The following WNT16 variants were observed in gnomAD, a reference collection of about 807,000 sequenced individuals.
The protein encoded by WNT16 is Wnt family member 16.
WNT16 carries 20 observed loss-of-function variants against 35.4 expected under a neutral mutation model. The observed-to-expected ratio is 0.56, with a 90% CI of 0.40 to 0.82. The LOEUF is 0.82. Ranked by LOEUF, WNT16 falls within the 40% of genes least tolerant of loss-of-function variation. The probability of loss-of-function intolerance (pLI) is 0.00; values close to 1 mark genes in which losing one functional copy is unlikely to be tolerated. For synonymous variants in WNT16, 180 were observed against 179.2 expected (o/e 1.00, Z -0.03); for missense variants, 461 against 466.0 (o/e 0.99, Z 0.10).
At position 121,331,687 on chromosome 7, in the gene WNT16, A is replaced by C. The variant is rs777829706; in HGVS notation, c.356A>C (p.Glu119Ala). 1 of 1,604,920 alleles carries C rather than the reference A, an allele frequency of 6.2e-7. No homozygotes were observed. Among genetic ancestry groups the C allele is most frequent in the East Asian group, 2.2e-5 (1 of 44,600 alleles). The part of the protein sequence containing the change: ...FGYELSSGTK[E>A]TAFIYAVMAA... ...TTTATATTTTTTCTAGGCACCAAAG[A>C]GACAGCATTTATTTATGCTGTGATG... The change falls in exon 3 of 4, where the codon GAG (glutamate) becomes GCG (alanine). Residue 119 changes from glutamate (E) to alanine (A), a missense_variant. Coordinates refer to ENST00000222462, the MANE Select transcript of WNT16 (RefSeq NM_057168.2).
chr7:121,328,235 G>A (rs1368527384), upstream of WNT16, among the ~76,000 whole-genome samples: 2 of 152,126 alleles, frequency 1.3e-5, no homozygotes, highest in Non-Finnish European at 2.9e-5. Flanking sequence ...CATGAGAATC[G>A]TAAGGTAGGA....
At position 121,340,973 on chromosome 7, in the gene WNT16, G is replaced by C. The variant is rs1793523862; in HGVS notation, c.*1628G>C. ...TAATAAGATAAAGAAATGTTTCCCTGCCCCACAGTCTTCATTCTATTTCTC... is the reference window on the plus strand; with the variant it reads ...TAATAAGATAAAGAAATGTTTCCCTCCCCCACAGTCTTCATTCTATTTCTC... On this transcript the variant is annotated 3_prime_UTR_variant, in exon 4 of 4. Coordinates refer to ENST00000222462, the MANE Select transcript of WNT16 (RefSeq NM_057168.2). The C allele has an allele frequency of 6.6e-6, 1 of 152,042 alleles. No homozygotes were observed. The highest frequency in any genetic ancestry group is 2.4e-5 in the African/African-American group (1 of 41,400). 9.4% of individuals were successfully genotyped at this position (152,042 alleles called of 1,614,324 possible).
chr7:121,330,715 A>G (rs74546569), intron 2 of WNT16, among the ~76,000 whole-genome samples: 2 of 22,248 alleles, frequency 9.0e-5, no homozygotes, highest in Admixed American at 4.8e-4. Context: ...CCGTAGAGAG[A>G]AAAAAAAAAA....
chr7:121,325,575 T>C, upstream of WNT16: 1 of 1,287,598 alleles, frequency 7.8e-7, no homozygotes. Flanking sequence ...TAGACACCAG[T>C]AAAAAATTTT....
intron 2 of WNT16, among the ~76,000 whole-genome samples, chr7:121,330,714 G>GAAA (rs11371537): frequency 7.4e-3 from 626 of 84,650 alleles, no homozygotes; most frequent in African/African-American, 9.9e-3. Context: ...CCCGTAGAGA[G>GAAA]AAAAAAAAAA....
At chr7:121,332,649 T>C (rs1284545894) in intron 3 of WNT16, among the ~76,000 whole-genome samples, 1 of 152,194 alleles carries the variant, frequency 6.6e-6, no homozygotes, top group Admixed American at 6.5e-5. Flanking sequence ...TTTGGTAATA[T>C]GTGCCCTTAA....
At chr7:121,338,210 T>G (rs1245780718) in intron 3 of WNT16, among the ~76,000 whole-genome samples, 4 of 152,152 alleles carry the variant, frequency 2.6e-5, no homozygotes, top group African/African-American at 9.7e-5. Context: ...TAAAATAATC[T>G]CAGCGGCTTT....
chr7:121,331,157 T>G (rs1283120398), intron 2 of WNT16, among the ~76,000 whole-genome samples: 1 of 152,228 alleles, frequency 6.6e-6, no homozygotes, highest in Non-Finnish European at 1.5e-5. Context: ...ACTAATTGCT[T>G]TGGTCTTTCC....
chr7:121,331,835 C>T lies in WNT16; in HGVS notation c.504C>T (p.Cys168=), dbSNP rs1210322750. The T allele has an allele frequency of 6.2e-7, 1 of 1,614,166 alleles. No individual in the cohort carries two copies. The highest frequency in any genetic ancestry group is 8.5e-7 in the Non-Finnish European group (1 of 1,180,028). The change falls in exon 3 of 4, where the codon TGC becomes TGT. Residue 168 remains cysteine, a synonymous_variant. Coordinates refer to ENST00000222462, the MANE Select transcript of WNT16 (RefSeq NM_057168.2). ...SASEGWHWGG[C]SDDVQYGMWF... is the part of the protein sequence containing the mutation. ...GTGAAGGCTGGCACTGGGGGGGCTG[C>T]TCCGATGATGTCCAGTATGGCATGT...
At chr7:121,338,525 G>A (rs914591697) in intron 3 of WNT16, among the ~76,000 whole-genome samples, 1 of 152,180 alleles carries the variant, frequency 6.6e-6, no homozygotes, top group Non-Finnish European at 1.5e-5. Context: ...GAACATACAG[G>A]CATGCATAAG....
upstream of WNT16, among the ~76,000 whole-genome samples, chr7:121,328,065 G>T (rs1280805751): frequency 1.3e-5 from 2 of 152,174 alleles, no homozygotes; most frequent in Non-Finnish European, 2.9e-5. Flanking sequence ...ATTCCCACAG[G>T]ACTAGGCACA....
intron 3 of WNT16, 41 bp downstream of exon 3, chr7:121,332,005 T>C (rs886836897): frequency 1.3e-6 from 2 of 1,598,992 alleles, no homozygotes; most frequent in Non-Finnish European, 8.5e-7. Flanking sequence ...CCAGTGCTGT[T>C]AGGTAAATAA....
Position 121,329,781 on chromosome 7 carries a change from G to A in WNT16, c.310G>A (p.Gly104Ser). ...ITAAATTAPM[G>S]ASPLFGYELS... Reference sequence around the variant, plus strand: ...CGCCGCCGCCACTACCGCCCCGATGGGCGCCAGCCCCCTCTTTGGCTACGA... The same window carrying A: ...CGCCGCCGCCACTACCGCCCCGATGAGCGCCAGCCCCCTCTTTGGCTACGA... Residue 104 changes from glycine (G) to serine (S), a missense_variant, in exon 2 of 4, where the codon GGC becomes AGC. Physicochemically the swap from Gly to Ser is moderately conservative, Grantham distance 56. Transcript: ENST00000222462. The A allele has an allele frequency of 6.2e-7, 1 of 1,607,514 alleles. No individual in the cohort carries two copies. Among genetic ancestry groups the A allele is most frequent in the Non-Finnish European group, 8.5e-7 (1 of 1,180,008 alleles).
At chr7:121,334,900 C>A (rs939195120) in intron 3 of WNT16, among the ~76,000 whole-genome samples, 1 of 152,076 alleles carries the variant, frequency 6.6e-6, no homozygotes, top group Non-Finnish European at 1.5e-5. Flanking sequence ...AGTTTCCCTA[C>A]CCCATAATTT....
Position 121,340,501 on chromosome 7 carries a change from A to G in WNT16, c.*1156A>G, listed in dbSNP as rs1165158314. ...TTTCTTGCTAAAATGACAGTTTTAT[A>G]TGTTATAGATTAAAATATGTTGCAA... On this transcript the variant is annotated 3_prime_UTR_variant, in exon 4 of 4. Coordinates refer to ENST00000222462, the MANE Select transcript of WNT16 (RefSeq NM_057168.2). 6.6e-6 allele frequency: 1 copy of G among 152,026 alleles called. No individual in the cohort carries two copies. The highest frequency in any genetic ancestry group is 1.5e-5 in the Non-Finnish European group (1 of 67,938). 9.4% of individuals were successfully genotyped at this position (152,026 alleles called of 1,614,324 possible). A position where few individuals can be genotyped will look rare whatever the true frequency, so the allele number is the denominator to read the frequency against.
At position 121,339,015 on chromosome 7, in the gene WNT16, T is replaced by C. The variant is rs1481048407; in HGVS notation, c.768T>C (p.Ser256=). 1 of 1,614,012 alleles carries C rather than the reference T, an allele frequency of 6.2e-7. No homozygotes were observed. Among genetic ancestry groups the C allele is most frequent in the Non-Finnish European group, 8.5e-7 (1 of 1,180,012 alleles). ...GHLLKDKYEN[S]IQISDKTKRK... Reference sequence around the variant, plus strand: ...TGTTGAAGGATAAATATGAAAACAGTATCCAGATATCAGACAAAACAAAGA... The same window carrying C: ...TGTTGAAGGATAAATATGAAAACAGCATCCAGATATCAGACAAAACAAAGA... Residue 256 remains serine, a synonymous_variant, in exon 4 of 4, where the codon AGT becomes AGC. Transcript: ENST00000222462.
At chr7:121,336,249 T>C (rs565251189) in intron 3 of WNT16, among the ~76,000 whole-genome samples, 1 of 152,084 alleles carries the variant, frequency 6.6e-6, no homozygotes, top group Non-Finnish European at 1.5e-5. Context: ...TATATGCCCA[T>C]AGATATTCTA....
chr7:121,328,615 A>G (rs553723799), upstream of WNT16, among the ~76,000 whole-genome samples: 7 of 152,336 alleles, frequency 4.6e-5, no homozygotes, highest in South Asian at 1.5e-3. Flanking sequence ...AGGAGAAGAA[A>G]AAAAGGTCAG....
At chr7:121,330,735 A>AAG (rs1793332728) in intron 2 of WNT16, among the ~76,000 whole-genome samples, 2 of 151,254 alleles carry the variant, frequency 1.3e-5, no homozygotes, top group Non-Finnish European at 2.9e-5. Context: ...AAAAAAAAAA[A>AAG]AGAGACAGAA....
Sources: allele counts gnomAD v4.1 joint callset (sites outside exome capture counted in the v4.1 genomes callset), GRCh38; gene constraint gnomAD v4.1.1; transcripts MANE v1.5; gene names NCBI Gene and HGNC (gene_info 2026-07-23, HGNC 2026-07-21).